Variants in UTRN observed in about 807,000 individuals in gnomAD.
The protein encoded by UTRN is utrophin.
In UTRN, 283 loss-of-function variants were observed where a neutral mutation model predicts 463.9. The observed-to-expected ratio is 0.61, with a 90% confidence interval of 0.55 to 0.67. The LOEUF is 0.67. UTRN is among the 30% of genes least tolerant of loss of function. The probability of loss-of-function intolerance (pLI) is 0.00; values close to 1 mark genes in which losing one functional copy is unlikely to be tolerated. For synonymous variants in UTRN, 1,442 were observed against 1,431.5 expected (o/e 1.01, Z -0.17); for missense variants, 3,922 against 4,084.3 (o/e 0.96, Z 1.08).
intron 51 of UTRN, among the ~76,000 whole-genome samples, chr6:144,667,791 G>C (rs886315288): frequency 2.6e-5 from 4 of 152,034 alleles, no homozygotes; most frequent in Non-Finnish European, 5.9e-5. Flanking sequence ...TGATTATAAT[G>C]AGACTGCAAT....
chr6:144,390,097 C>T (rs887663476), intron 2 of UTRN, among the ~76,000 whole-genome samples: 3 of 152,108 alleles, frequency 2.0e-5, no homozygotes, highest in Non-Finnish European at 4.4e-5. Flanking sequence ...TAAGTCTTCT[C>T]ATCACAAATA....
intron 50 of UTRN, among the ~76,000 whole-genome samples, chr6:144,561,208 TATATATATATATATA>T (rs1799842776): frequency 1.5e-3 from 5 of 3,346 alleles, no homozygotes; most frequent in Admixed American, 6.0e-3. Context: ...AATAACATTA[TATATATATATATATA>T]TATATATATA....
At chr6:144,462,530 C>G (rs577966579) in intron 22 of UTRN, 124 bp from the exon 23 acceptor site, 3 of 886,340 alleles carry the variant, frequency 3.4e-6, no homozygotes, top group African/African-American at 3.4e-5. Flanking sequence ...ACCCACTGTT[C>G]TTTTTAGATA....
intron 53 of UTRN, among the ~76,000 whole-genome samples, chr6:144,715,864 G>A (rs1441693292): frequency 6.6e-6 from 1 of 150,976 alleles, no homozygotes; most frequent in Non-Finnish European, 1.5e-5. Flanking sequence ...CCTTTGGTGT[G>A]AATGTTCCTT....
intron 63 of UTRN, among the ~76,000 whole-genome samples, chr6:144,794,603 G>C (rs1777054705): frequency 6.6e-6 from 1 of 152,054 alleles, no homozygotes; most frequent in African/African-American, 2.4e-5. Flanking sequence ...TCTTCTCTAG[G>C]AACCTAAGCT....
intron 2 of UTRN, among the ~76,000 whole-genome samples, chr6:144,383,985 TC>T (rs1781173322): frequency 6.6e-6 from 1 of 152,224 alleles, no homozygotes; most frequent in Non-Finnish European, 1.5e-5. Context: ...TAATCTCTTT[TC>T]TTCAAAAAAA....
intron 14 of UTRN, among the ~76,000 whole-genome samples, chr6:144,445,567 C>A (rs1053953709): frequency 6.7e-6 from 1 of 149,408 alleles, no homozygotes; most frequent in South Asian, 2.1e-4. Context: ...CTTCCCCCCC[C>A]GCCCTCAATC....
chr6:144,499,985 T>A (rs1277293386), intron 34 of UTRN, among the ~76,000 whole-genome samples: 1 of 152,254 alleles, frequency 6.6e-6, no homozygotes, highest in African/African-American at 2.4e-5. Flanking sequence ...ATGGTGTATA[T>A]GTATCACATT....
chr6:144,471,035 AGGGAGG>A (rs1790562177), intron 23 of UTRN, among the ~76,000 whole-genome samples: 1 of 69,402 alleles, frequency 1.4e-5, no homozygotes, highest in Non-Finnish European at 2.7e-5. Context: ...GAGGGAGACG[AGGGAGG>A]GGGAGAGGGA....
intron 53 of UTRN, among the ~76,000 whole-genome samples, chr6:144,727,469 C>T (rs1055585400): frequency 1.3e-5 from 2 of 152,172 alleles, no homozygotes; most frequent in African/African-American, 4.8e-5. Flanking sequence ...GAATCTTTAC[C>T]ACTCCTGAGC....
At chr6:144,573,589 G>C (rs1372641909) in intron 50 of UTRN, among the ~76,000 whole-genome samples, 1 of 151,710 alleles carries the variant, frequency 6.6e-6, no homozygotes, top group African/African-American at 2.4e-5. Context: ...CCAACTACTT[G>C]GGAGGCTGAG....
intron 1 of UTRN, among the ~76,000 whole-genome samples, chr6:144,287,915 TCA>T (rs1167876561): frequency 6.6e-6 from 1 of 152,242 alleles, no homozygotes; most frequent in Non-Finnish European, 1.5e-5. Flanking sequence ...TCATTGATTC[TCA>T]GTTTCTCACC....
At chr6:144,293,932 G>A in intron 2 of UTRN, among the ~76,000 whole-genome samples, 1 of 151,760 alleles carries the variant, frequency 6.6e-6, no homozygotes, top group East Asian at 1.9e-4. Flanking sequence ...ATATAGAAAT[G>A]TGTTCTTGAT....
intron 52 of UTRN, among the ~76,000 whole-genome samples, chr6:144,687,226 C>G (rs1231279948): frequency 1.3e-5 from 2 of 151,992 alleles, no homozygotes; most frequent in Admixed American, 1.3e-4. Flanking sequence ...GGATATTGGT[C>G]TGTACTTTTG....
At chr6:144,356,671 G>GTTT (rs1215319614) in intron 2 of UTRN, among the ~76,000 whole-genome samples, 2 of 152,070 alleles carry the variant, frequency 1.3e-5, no homozygotes, top group Non-Finnish European at 2.9e-5. Context: ...AAATTAGTTG[G>GTTT]GTGTGGTGGC....
At chr6:144,638,158 T>TA in intron 51 of UTRN, among the ~76,000 whole-genome samples, 1 of 152,220 alleles carries the variant, frequency 6.6e-6, no homozygotes. Flanking sequence ...AAAAGCTTTT[T>TA]ATCTAATGAG....
At chr6:144,352,292 G>A (rs755257971) in intron 2 of UTRN, among the ~76,000 whole-genome samples, 1 of 152,128 alleles carries the variant, frequency 6.6e-6, no homozygotes, top group East Asian at 1.9e-4. Context: ...GTGTGTGTAC[G>A]AATGTGGTTT....
At chr6:144,497,848 G>A (rs1405982313) in intron 33 of UTRN, among the ~76,000 whole-genome samples, 1 of 152,188 alleles carries the variant, frequency 6.6e-6, no homozygotes, top group Admixed American at 6.5e-5. Flanking sequence ...TGAGTCATCT[G>A]CATAGAGGTC....
At chr6:144,665,110 T>C (rs982447814) in intron 51 of UTRN, among the ~76,000 whole-genome samples, 1 of 152,156 alleles carries the variant, frequency 6.6e-6, no homozygotes, top group Non-Finnish European at 1.5e-5. Context: ...GGGTCAGAAC[T>C]CCTTCAGAAA....
Sources: gnomAD v4.1 joint callset for allele counts (sites outside exome capture counted in the v4.1 genomes callset) on GRCh38, gnomAD v4.1.1 for gene constraint, MANE v1.5 for transcripts, NCBI Gene and HGNC (gene_info 2026-07-23, HGNC 2026-07-21) for gene names.